Variants in DOCK3 observed in about 807,000 individuals in gnomAD.
DOCK3 encodes dedicator of cytokinesis 3, also known as dedicator of cytokinesis protein 3.
A neutral mutation model predicts 265.6 loss-of-function variants in DOCK3; 60 were observed. That is an observed-to-expected ratio of 0.23 (90% confidence interval 0.18 to 0.28). DOCK3 has a LOEUF of 0.28. DOCK3 is among the 10% of genes least tolerant of loss of function. The pLI is 1.00. For synonymous variants in DOCK3, 881 were observed against 938.0 expected, an observed-to-expected ratio of 0.94 and a Z score of 1.11; for missense variants, 1,981 against 2,594.3, an observed-to-expected ratio of 0.76 and a Z score of 5.14.
At chr3:50,977,639 G>A (rs1008684792) in intron 5 of DOCK3, among the ~76,000 whole-genome samples, 19 of 152,134 alleles carry the variant, frequency 1.2e-4, no homozygotes, top group South Asian at 6.2e-4. Flanking sequence ...TGCTCTTCTC[G>A]AGGAGTATCT....
intron 1 of DOCK3, among the ~76,000 whole-genome samples, chr3:50,760,829 C>T (rs934913547): frequency 4.0e-5 from 6 of 150,874 alleles, no homozygotes; most frequent in East Asian, 1.9e-4. Context: ...GTCTCTCAGG[C>T]GGAGTGCAAT....
intron 1 of DOCK3, among the ~76,000 whole-genome samples, chr3:50,743,338 T>C (rs1040833253): frequency 2.6e-5 from 4 of 151,962 alleles, no homozygotes; most frequent in Non-Finnish European, 5.9e-5. Flanking sequence ...AATTCACACA[T>C]AACAATATTA....
chr3:51,263,103 CA>C (rs545683936), intron 23 of DOCK3, among the ~76,000 whole-genome samples: 4 of 152,102 alleles, frequency 2.6e-5, no homozygotes, highest in Non-Finnish European at 5.9e-5. Flanking sequence ...AGAGCAGCCC[CA>C]AGACACATAA....
rs186592735 is a variant in DOCK3, at chr3:51,237,611, T to C, written c.2102+21T>C. 2.6e-4 allele frequency: 409 copies of C among 1,594,840 alleles called. 3 individuals carry two copies. In the East Asian group the frequency reaches 6.6e-3, roughly 26 times the overall value. ...TACAAGTAAGTTCCATTTGGTATCA[T>C]CATTAGGACTCGTGTTTGAGTAGAA... On this transcript the variant is annotated intron_variant, in intron 21 of 52. Coordinates refer to ENST00000266037, the MANE Select transcript of DOCK3 (RefSeq NM_004947.5).
chr3:50,956,551 C>A (rs141061736), intron 5 of DOCK3, among the ~76,000 whole-genome samples: 1 of 152,280 alleles, frequency 6.6e-6, no homozygotes, highest in East Asian at 1.9e-4. Flanking sequence ...GCTTTGGCAT[C>A]CATTATTCCA....
intron 3 of DOCK3, among the ~76,000 whole-genome samples, chr3:50,861,909 T>C (rs1049676579): frequency 6.8e-6 from 1 of 147,798 alleles, no homozygotes; most frequent in African/African-American, 2.5e-5. Context: ...AAATGTGCCA[T>C]TTCATTTATT....
intron 9 of DOCK3, among the ~76,000 whole-genome samples, chr3:51,092,930 T>C (rs558454296): frequency 6.6e-6 from 1 of 152,348 alleles, no homozygotes; most frequent in East Asian, 1.9e-4. Context: ...ATTTATTAAA[T>C]AGGGAATCAT....
At chr3:50,874,656 A>T (rs1428263145) in intron 3 of DOCK3, among the ~76,000 whole-genome samples, 1 of 152,004 alleles carries the variant, frequency 6.6e-6, no homozygotes, top group Non-Finnish European at 1.5e-5. Context: ...TTGTAGAGAT[A>T]TTCCACTTAT....
Position 50,955,199 on chromosome 3 carries a change from G to A in DOCK3, c.315+21122G>A, listed in dbSNP as rs192158577. On this transcript the variant is annotated intron_variant, in intron 5 of 52. Coordinates refer to ENST00000266037, the MANE Select transcript of DOCK3 (RefSeq NM_004947.5). ...AAAAAAAGTAACAGATGCTGGCAAG[G>A]TTGTGGAGAAGACAGAACACTTACA... Among the ~76,000 whole-genome samples the A allele has an allele frequency of 1.2e-4, 19 of 152,328 alleles. No homozygotes were observed. In the South Asian group the frequency reaches 3.5e-3, roughly 28 times the overall value.
At chr3:51,234,188 C>A (rs115185239) in intron 19 of DOCK3, among the ~76,000 whole-genome samples, 1,662 of 152,334 alleles carry the variant, frequency 0.011, 14 homozygotes, top group Admixed American at 0.017. Flanking sequence ...GCTCTCCCAA[C>A]TGGGATGAGG....
At chr3:51,236,044 T>C (rs2078335378) in intron 19 of DOCK3, among the ~76,000 whole-genome samples, 1 of 152,244 alleles carries the variant, frequency 6.6e-6, no homozygotes, top group South Asian at 2.1e-4. Context: ...CTATTCTGCA[T>C]AGGTGTCCTA....
Position 50,970,986 on chromosome 3 carries a change from T to TTTA in DOCK3, c.315+36909_315+36910insTTA, listed in dbSNP as rs1271496203. ...TGTGTGTATATATATATATTTTTTT[T>TTTA]ATTTTAATTTTTAATTTTTTTTTTT... On this transcript the variant is annotated intron_variant, in intron 5 of 52. Transcript: ENST00000266037. 1.2e-3 allele frequency among the ~76,000 whole-genome samples: 106 copies of TTTA among 91,720 alleles called. 2 individuals are homozygous for TTTA. Among genetic ancestry groups the TTTA allele is most frequent in the East Asian group, 1.9e-3 (5 of 2,696 alleles). 60.2% of individuals were successfully genotyped at this position (91,720 alleles called of 152,430 possible).
intron 51 of DOCK3, among the ~76,000 whole-genome samples, chr3:51,378,866 C>T (rs1553617380): frequency 6.6e-6 from 1 of 152,220 alleles, no homozygotes; most frequent in African/African-American, 2.4e-5. Flanking sequence ...TGCACCCCTG[C>T]ATCCATGGCA....
chr3:51,057,547 A>G (rs1431218838), intron 5 of DOCK3, among the ~76,000 whole-genome samples: 1 of 152,228 alleles, frequency 6.6e-6, no homozygotes, highest in East Asian at 1.9e-4. Context: ...CAGGTCTCTA[A>G]GTAGAAAAGG....
intron 2 of DOCK3, among the ~76,000 whole-genome samples, chr3:50,821,921 G>A (rs74510365): frequency 0.025 from 3,799 of 152,234 alleles, 182 homozygotes; most frequent in African/African-American, 0.087. Context: ...TAGCCTAATA[G>A]TATGAAGTCA....
At chr3:51,335,991 C>CAAAAA (rs560859648) in intron 35 of DOCK3, among the ~76,000 whole-genome samples, 3 of 57,984 alleles carry the variant, frequency 5.2e-5, no homozygotes, top group Non-Finnish European at 1.1e-4. Flanking sequence ...GACCCTGTCT[C>CAAAAA]AAAAAAAAAA....
In DOCK3 at chr3:51,228,039, A is replaced by G. The variant is rs1441802031; in HGVS notation, c.1598A>G (p.Asp533Gly). The G allele has an allele frequency of 6.2e-7, 1 of 1,613,940 alleles. No homozygotes were observed. The highest frequency in any genetic ancestry group is 8.5e-7 in the Non-Finnish European group (1 of 1,179,914). ...FGFAFSTLMR[D>G]DGTTLSDDIH... is the part of the protein sequence containing the mutation. ...TTTGCATTCTCAACCCTGATGCGTG[A>G]TGATGGCACCACCCTCTCAGATGAT... The change falls in exon 17 of 53, where the codon GAT (aspartate) becomes GGT (glycine). Residue 533 changes from aspartate (D) to glycine (G), a missense_variant. By Grantham distance (94) the Asp-to-Gly change is moderately conservative. Coordinates refer to ENST00000266037, the MANE Select transcript of DOCK3 (RefSeq NM_004947.5).
At chr3:51,100,142 GT>G (rs1183247416) in intron 9 of DOCK3, among the ~76,000 whole-genome samples, 3 of 152,168 alleles carry the variant, frequency 2.0e-5, no homozygotes, top group Non-Finnish European at 4.4e-5. Context: ...TGCTTATTTT[GT>G]TTCTGGTATG....
intron 23 of DOCK3, 111 bp downstream of exon 23, chr3:51,260,437 G>A: frequency 8.0e-7 from 1 of 1,249,968 alleles, no homozygotes; most frequent in Non-Finnish European, 1.1e-6. Context: ...CATGTGTGTT[G>A]GGTAAGGGAT....
Sources: allele counts gnomAD v4.1 joint callset (sites outside exome capture counted in the v4.1 genomes callset), GRCh38; gene constraint gnomAD v4.1.1; transcripts MANE v1.5; gene names NCBI Gene and HGNC (gene_info 2026-07-23, HGNC 2026-07-21).